The following RNF14 variants were observed in gnomAD, a reference collection of about 807,000 sequenced individuals.
RNF14 encodes the protein ring finger protein 14.
RNF14 carries 26 observed loss-of-function variants against 52.6 expected under a neutral mutation model. That is an observed-to-expected ratio of 0.49 (90% CI 0.36 to 0.69). RNF14 has a LOEUF of 0.69. RNF14 is among the 30% of genes least tolerant of loss of function. The pLI, the probability that RNF14 is intolerant of heterozygous loss-of-function variation, is 0.00. For synonymous variants in RNF14, 194 were observed against 202.0 expected, an observed-to-expected ratio of 0.96 and a Z score of 0.34; for missense variants, 404 against 560.4, an observed-to-expected ratio of 0.72 and a Z score of 2.82.
rs1273569040 is a variant in RNF14 at position 141,989,079 on chromosome 5, CT to C, written c.*1290del. 1 of 152,220 alleles carries C rather than the reference CT, an allele frequency of 6.6e-6. No homozygotes were observed. The highest frequency in any genetic ancestry group is 1.5e-5 in the Non-Finnish European group (1 of 68,024). 9.4% of individuals were successfully genotyped at this position (152,220 alleles called of 1,614,324 possible). A position where few individuals can be genotyped will look rare whatever the true frequency, so the allele number is the denominator to read the frequency against. ...TTGCAAATTGAGGAATCACTTTTAACTGTTTTAGGTGTGTGTGTCCAGAGTG... is the reference window on the plus strand; with the variant it reads ...TTGCAAATTGAGGAATCACTTTTAACGTTTTAGGTGTGTGTGTCCAGAGTG... On this transcript the variant is annotated 3_prime_UTR_variant, in exon 9 of 9. Coordinates refer to ENST00000394520, the MANE Select transcript of RNF14 (RefSeq NM_004290.5).
At chr5:141,967,185 C>A (rs759053724), upstream of RNF14, among the ~76,000 whole-genome samples, 1 of 152,120 alleles carries the variant, frequency 6.6e-6, no homozygotes, top group Non-Finnish European at 1.5e-5. Context: ...GTTTTTTTCT[C>A]TCTCCTGGGT....
At chr5:141,986,074 A>G (rs1341466422) in intron 8 of RNF14, among the ~76,000 whole-genome samples, 2 of 152,230 alleles carry the variant, frequency 1.3e-5, no homozygotes, top group East Asian at 3.8e-4. Flanking sequence ...CAAGAGGTCC[A>G]TGATGTCCCT....
intron 4 of RNF14, 35 bp downstream of exon 4, chr5:141,974,990 T>C (rs1754120237): frequency 6.2e-7 from 1 of 1,600,864 alleles, no homozygotes; most frequent in South Asian, 1.1e-5. Flanking sequence ...CTATCCATTT[T>C]TAGAAACTTA....
At chr5:141,969,073 G>A (rs1404000421), upstream of RNF14, 4 of 152,320 alleles carry the variant, frequency 2.6e-5, no homozygotes, top group South Asian at 4.1e-4. Flanking sequence ...GGTCGCGCCA[G>A]CGGGATCCGC....
chr5:141,984,969 A>AT (rs752750022), intron 8 of RNF14, 36 bp downstream of exon 8: 378 of 1,582,212 alleles, frequency 2.4e-4, no homozygotes, highest in Non-Finnish European at 3.2e-4. Flanking sequence ...CTCACCAGCA[A>AT]TTTTTGGTAC....
Position 141,989,773 on chromosome 5 carries a change from A to T in RNF14, c.*1983A>T, listed in dbSNP as rs1466055114. ...AAATTAAAATGATTTGTTCTACAGT[A>T]TATACCTGAGAAGAGTGATTTCTGT... On this transcript the variant is annotated 3_prime_UTR_variant, in exon 9 of 9. Coordinates refer to ENST00000394520, the MANE Select transcript of RNF14 (RefSeq NM_004290.5). 2.0e-5 allele frequency: 3 copies of T among 152,144 alleles called. No homozygotes were observed. The highest frequency in any genetic ancestry group is 7.2e-5 in the African/African-American group (3 of 41,440). 9.4% of individuals were successfully genotyped at this position (152,144 alleles called of 1,614,324 possible).
At chr5:141,959,055 C>A in intron 1 of RNF14, 1 of 152,666 alleles carries the variant, frequency 6.6e-6, no homozygotes. Flanking sequence ...GCTCTCCTCC[C>A]GCTTCCCTTC....
At position 141,980,029 on chromosome 5, in the gene RNF14, C is replaced by T. The variant is rs1400866850; in HGVS notation, c.835-94C>T. ...TGAAAGAGAGGTTTTAATTTATGTG[C>T]CCATCTGGTTTACACTAGCATCCTA... On this transcript the variant is annotated intron_variant, in intron 5 of 8. Transcript: ENST00000394520. 1.1e-5 allele frequency: 10 copies of T among 917,442 alleles called. No homozygotes were observed. The East Asian group carries it at 2.4e-4, about 22-fold the overall frequency. The allele number at this position is 917,442 out of a possible 1,614,324, so 56.8% of individuals were successfully genotyped here.
chr5:141,972,855 T>A (rs913885930), intron 2 of RNF14, among the ~76,000 whole-genome samples: 1 of 152,112 alleles, frequency 6.6e-6, no homozygotes, highest in Non-Finnish European at 1.5e-5. Flanking sequence ...CCTACCAAAG[T>A]GTTGGGATTA....
upstream of RNF14, chr5:141,955,070 G>T (rs1470356978): frequency 6.2e-7 from 1 of 1,614,248 alleles, no homozygotes; most frequent in African/African-American, 1.3e-5. The surrounding 1 kb of genome is among the most constrained non-coding windows in gnomAD (Gnocchi z 5.5). Flanking sequence ...ATCTGACGGG[G>T]CCCTGATTCT....
chr5:141,949,599 A>G, the RNF14 span: 5 of 1,611,882 alleles, frequency 3.1e-6, no homozygotes, highest in African/African-American at 6.7e-5. Context: ...AAAGAAACCA[A>G]CCAGTCCATG....
chr5:141,969,442 A>T (rs1199186187), intron 1 of RNF14: 1 of 151,684 alleles, frequency 6.6e-6, no homozygotes, highest in Non-Finnish European at 1.5e-5. Flanking sequence ...ACACATCCGC[A>T]TTGCGCCCTC....
chr5:141,964,517 G>T (rs557013313), upstream of RNF14, among the ~76,000 whole-genome samples: 1 of 152,294 alleles, frequency 6.6e-6, no homozygotes, highest in East Asian at 1.9e-4. Context: ...CACTTAGAGT[G>T]GGGCCTGGGA....
rs1178725475 is a variant in RNF14, at chr5:141,989,278, AAAAG to A, written c.*1489_*1492del. The A allele has an allele frequency of 1.3e-5, 2 of 152,320 alleles. No individual in the cohort carries two copies. Among genetic ancestry groups the A allele is most frequent in the Non-Finnish European group, 1.5e-5 (1 of 68,046 alleles). 9.4% of individuals were successfully genotyped at this position (152,320 alleles called of 1,614,324 possible). A position where few individuals can be genotyped will look rare whatever the true frequency, so the allele number is the denominator to read the frequency against. On this transcript the variant is annotated 3_prime_UTR_variant, in exon 9 of 9. Coordinates refer to ENST00000394520, the MANE Select transcript of RNF14 (RefSeq NM_004290.5). ...ATAACATATTCTTAAAGTAAGAAAA[AAAAG>A]GTCACAGAATAGCATCTCTTTTACC...
At chr5:141,973,319 G>T (rs2126987395) in intron 2 of RNF14, among the ~76,000 whole-genome samples, 1 of 149,312 alleles carries the variant, frequency 6.7e-6, no homozygotes, top group Admixed American at 6.8e-5. Context: ...GCTCACTGCA[G>T]TCTCCACCTC....
At chr5:141,955,908 G>A (rs377758658), upstream of RNF14, 14 of 1,614,112 alleles carry the variant, frequency 8.7e-6, no homozygotes, top group Non-Finnish European at 1.0e-5. This position sits in a 1 kb window ranked among gnomAD's most constrained non-coding sequence, Gnocchi z 5.5. Flanking sequence ...GAGGGTTGAG[G>A]ATGAAGAGGT....
chr5:141,955,107 A>G (rs1373396790), upstream of RNF14: 1 of 1,614,046 alleles, frequency 6.2e-7, no homozygotes, highest in Non-Finnish European at 8.5e-7. This position sits in a 1 kb window ranked among gnomAD's most constrained non-coding sequence, Gnocchi z 5.5. Flanking sequence ...TGCCATTGAG[A>G]TGTCGCTGCC....
At chr5:141,984,597 TGTA>T (rs1755075292) in intron 7 of RNF14, among the ~76,000 whole-genome samples, 1 of 152,188 alleles carries the variant, frequency 6.6e-6, no homozygotes, top group Admixed American at 6.5e-5. Flanking sequence ...AGTAACTAAT[TGTA>T]GTAACACTAG....
chr5:141,986,637 A>T (rs1271211083), intron 8 of RNF14, among the ~76,000 whole-genome samples: 1 of 152,112 alleles, frequency 6.6e-6, no homozygotes, highest in African/African-American at 2.4e-5. Context: ...CGTTTGTTTT[A>T]ATTTGGAAAG....
Sources: gnomAD v4.1 joint callset for allele counts (sites outside exome capture counted in the v4.1 genomes callset) on GRCh38, gnomAD v4.1.1 for gene constraint, Gnocchi (gnomAD v3.1) non-coding constraint, MANE v1.5 for transcripts, NCBI Gene and HGNC (gene_info 2026-07-23, HGNC 2026-07-21) for gene names.